C10orf88: variants seen among roughly 807,000 people sequenced by gnomAD.
C10orf88 encodes the protein chromosome 10 open reading frame 88.
In C10orf88, 29 loss-of-function variants were observed where a neutral mutation model predicts 34.2. That is an observed-to-expected ratio of 0.85 (90% CI 0.63 to 1.16). The LOEUF (loss-of-function observed/expected upper bound fraction) is 1.16. C10orf88 is among the 50% of genes most tolerant of loss of function. The pLI, the probability that C10orf88 is intolerant of heterozygous loss-of-function variation, is 0.00. For missense variants in C10orf88, 507 were observed against 533.2 expected, an observed-to-expected ratio of 0.95 and a Z score of 0.48; for synonymous variants, 194 against 197.4, an observed-to-expected ratio of 0.98 and a Z score of 0.15.
At chr10:122,934,210 G>C (rs1032966179) in intron 5 of C10orf88, among the ~76,000 whole-genome samples, 7 of 152,110 alleles carry the variant, frequency 4.6e-5, no homozygotes, top group Admixed American at 1.3e-4. Context: ...TTAATATGAT[G>C]TGTGTGTATA....
rs202045057 is a variant in C10orf88, at chr10:122,937,903, G to C, written c.905C>G (p.Ser302Cys). The C allele has an allele frequency of 2.4e-5, 38 of 1,613,362 alleles. No homozygotes were observed. In the African/African-American group the frequency reaches 4.4e-4, roughly 19 times the overall value. ...ATTTTTAAGATCATTTTCAAGAAAGGAATGGTTTTGAGGCATAACTTTACA... is the reference window on the plus strand; with the variant it reads ...ATTTTTAAGATCATTTTCAAGAAAGCAATGGTTTTGAGGCATAACTTTACA... ...DECKVMPQNH[S>C]FLENDLKNAM... is the part of the protein sequence containing the mutation. Residue 302 changes from serine (S) to cysteine (C), a missense_variant, in exon 5 of 6, where the codon TCC (serine) becomes TGC (cysteine). Physicochemically the swap from Ser to Cys is moderately radical, Grantham distance 112. Transcript: ENST00000481909.
intron 4 of C10orf88, among the ~76,000 whole-genome samples, chr10:122,947,565 C>A (rs906531151): frequency 2.0e-5 from 3 of 152,156 alleles, no homozygotes; most frequent in African/African-American, 7.2e-5. Flanking sequence ...TCTCCCTTCA[C>A]CACCCTCCGT....
chr10:122,947,157 C>T (rs531155160), intron 4 of C10orf88, among the ~76,000 whole-genome samples: 8 of 152,196 alleles, frequency 5.3e-5, no homozygotes, highest in African/African-American at 1.9e-4. Context: ...CAGGTGAGAA[C>T]ATGGTGTGGG....
chr10:122,932,785 A>G (rs936255745), intron 5 of C10orf88, 124 bp from the exon 6 acceptor site: 6 of 682,760 alleles, frequency 8.8e-6, no homozygotes, highest in Non-Finnish European at 1.5e-5. Context: ...GTCTTCTTAC[A>G]ATGCATTTCT....
At chr10:122,935,942 G>T (rs1848530900) in intron 5 of C10orf88, among the ~76,000 whole-genome samples, 1 of 151,260 alleles carries the variant, frequency 6.6e-6, no homozygotes, top group African/African-American at 2.4e-5. Context: ...TAATTTTGGG[G>T]GGCAATCTAG....
chr10:122,953,940 G>A (rs1848720642), intron 1 of C10orf88, 75 bp downstream of exon 1: 6 of 1,367,812 alleles, frequency 4.4e-6, no homozygotes, highest in Non-Finnish European at 5.7e-6. Context: ...AGACCCTCTC[G>A]CCTCCCCTCA....
At chr10:122,937,151 T>C (rs1848540753) in intron 5 of C10orf88, among the ~76,000 whole-genome samples, 1 of 151,990 alleles carries the variant, frequency 6.6e-6, no homozygotes, top group Non-Finnish European at 1.5e-5. Flanking sequence ...ACATACTATA[T>C]CTACTTAAGC....
At chr10:122,945,226 A>G (rs113738631) in intron 4 of C10orf88, among the ~76,000 whole-genome samples, 73 of 152,246 alleles carry the variant, frequency 4.8e-4, no homozygotes, top group African/African-American at 1.3e-3. Context: ...ATAGTAACAC[A>G]TTACTCACAT....
intron 5 of C10orf88, among the ~76,000 whole-genome samples, chr10:122,936,763 G>A (rs540661570): frequency 1.3e-5 from 2 of 151,898 alleles, no homozygotes; most frequent in South Asian, 2.1e-4. Context: ...AGAATGCTGT[G>A]TAATTCCCAA....
In C10orf88 at chr10:122,954,197, G is replaced by T; in HGVS notation, c.-19C>A. The stretch of plus-strand genomic sequence containing the variant: ...TCTCCATTCCGCCGCCTTCAGTCAG[G>T]CCAGCCCAGCCCCGGAACCTCTCTT... On this transcript the variant is annotated 5_prime_UTR_variant, in exon 1 of 6. Coordinates refer to ENST00000481909, the MANE Select transcript of C10orf88 (RefSeq NM_024942.4). The T allele has an allele frequency of 6.5e-7, 1 of 1,535,510 alleles. No homozygotes were observed. Among genetic ancestry groups the T allele is most frequent in the Admixed American group, 2.0e-5 (1 of 49,576 alleles).
chr10:122,946,572 T>C (rs1848642844), intron 4 of C10orf88, among the ~76,000 whole-genome samples: 1 of 152,164 alleles, frequency 6.6e-6, no homozygotes, highest in African/African-American at 2.4e-5. Context: ...CTGTGTATAA[T>C]ACTTGGAGCC....
Position 122,939,117 on chromosome 10 carries a change from C to T in C10orf88, c.649-958G>A, listed in dbSNP as rs141741292. Among the ~76,000 whole-genome samples, 15 of 151,896 alleles carry T rather than the reference C, an allele frequency of 9.9e-5. No homozygotes were observed. The East Asian group carries it at 1.5e-3, about 16-fold the overall frequency. The stretch of plus-strand genomic sequence containing the variant: ...CTAAAAAGTTATTACTAGACTAAGC[C>T]GGAACAACATTAATTTATTCAACAA... On this transcript the variant is annotated intron_variant, in intron 4 of 5. Transcript: ENST00000481909.
chr10:122,940,197 C>A (rs1848570172), intron 4 of C10orf88, among the ~76,000 whole-genome samples: 1 of 151,898 alleles, frequency 6.6e-6, no homozygotes, highest in African/African-American at 2.4e-5. Context: ...AATGAAATAT[C>A]ATTGAATGAA....
At chr10:122,936,330 T>C (rs79613320) in intron 5 of C10orf88, among the ~76,000 whole-genome samples, 3 of 151,856 alleles carry the variant, frequency 2.0e-5, no homozygotes, top group Non-Finnish European at 4.4e-5. Flanking sequence ...CGGATACTGA[T>C]GATTGCATCT....
chr10:122,940,737 T>C (rs1352824565), intron 4 of C10orf88, among the ~76,000 whole-genome samples: 2 of 152,026 alleles, frequency 1.3e-5, no homozygotes, highest in African/African-American at 4.8e-5. Flanking sequence ...GAGCCTCCAC[T>C]GTTAACATGC....
In C10orf88 at chr10:122,939,558, G is replaced by C. The variant is rs530188402; in HGVS notation, c.649-1399C>G. Among the ~76,000 whole-genome samples, 13 of 151,904 alleles carry C rather than the reference G, an allele frequency of 8.6e-5. No homozygotes were observed. In the East Asian group the frequency reaches 2.3e-3, roughly 27 times the overall value. On this transcript the variant is annotated intron_variant, in intron 4 of 5. Transcript: ENST00000481909. The stretch of plus-strand genomic sequence containing the variant: ...CTTTATAGAGAAATGTTAACCTACT[G>C]TAAGTTTATCTTGTTTTATAAAATG...
intron 5 of C10orf88, among the ~76,000 whole-genome samples, chr10:122,936,811 T>A (rs1848537379): frequency 6.6e-6 from 1 of 151,996 alleles, no homozygotes; most frequent in African/African-American, 2.4e-5. Flanking sequence ...TGGTTTCTAG[T>A]TAGATTCATT....
intron 4 of C10orf88, among the ~76,000 whole-genome samples, chr10:122,939,508 C>A (rs116937866): frequency 0.019 from 2,852 of 151,898 alleles, 43 homozygotes; most frequent in Non-Finnish European, 0.029. Context: ...TAACTTTTTA[C>A]CAAACTGCAC....
intron 5 of C10orf88, among the ~76,000 whole-genome samples, chr10:122,934,385 G>T (rs1160196150): frequency 3.3e-5 from 5 of 152,060 alleles, no homozygotes; most frequent in Non-Finnish European, 7.4e-5. Flanking sequence ...CCATCAATAT[G>T]TTGTTCATCT....
Sources: allele counts gnomAD v4.1 joint callset (sites outside exome capture counted in the v4.1 genomes callset), GRCh38; gene constraint gnomAD v4.1.1; transcripts MANE v1.5; gene names NCBI Gene and HGNC (gene_info 2026-07-23, HGNC 2026-07-21).